Variants in LASP1 observed in about 807,000 individuals in gnomAD.
LASP1 encodes LIM and SH3 protein 1.
Under a neutral mutation model 38.6 loss-of-function variants are expected in LASP1, and 10 were observed. The ratio of observed to expected loss-of-function variants is 0.26; its 90% confidence interval spans 0.16 to 0.44. The LOEUF is 0.44. Ranked by LOEUF, LASP1 falls within the 20% of genes least tolerant of loss-of-function variation. The pLI is 1.00. For missense variants in LASP1, 243 were observed against 375.7 expected, an observed-to-expected ratio of 0.65 and a Z score of 2.92; for synonymous variants, 132 against 140.8, an observed-to-expected ratio of 0.94 and a Z score of 0.44.
intron 6 of LASP1, among the ~76,000 whole-genome samples, chr17:38,917,496 T>C (rs1475303670): frequency 2.0e-5 from 3 of 152,104 alleles, no homozygotes; most frequent in Non-Finnish European, 4.4e-5. Context: ...GATCTAGGGC[T>C]TAAGCGGCAG....
At chr17:38,893,539 C>T (rs1233931104) in intron 3 of LASP1, among the ~76,000 whole-genome samples, 1 of 151,896 alleles carries the variant, frequency 6.6e-6, no homozygotes, top group South Asian at 2.1e-4. Flanking sequence ...TGGGGGTCCT[C>T]GGGGGTTGGG....
intron 4 of LASP1, among the ~76,000 whole-genome samples, chr17:38,900,568 G>A (rs894893871): frequency 1.3e-5 from 2 of 152,074 alleles, no homozygotes; most frequent in African/African-American, 4.8e-5. Context: ...AGCTACTTGG[G>A]AGGCTGAGAC....
intron 2 of LASP1, among the ~76,000 whole-genome samples, chr17:38,879,751 C>CT (rs1000138374): frequency 6.6e-6 from 1 of 152,020 alleles, no homozygotes; most frequent in African/African-American, 2.4e-5. Flanking sequence ...ACTCTTTCAT[C>CT]TTTTTAGGGG....
At chr17:38,917,466 G>A (rs1363327437) in intron 6 of LASP1, among the ~76,000 whole-genome samples, 2 of 151,456 alleles carry the variant, frequency 1.3e-5, no homozygotes, top group Admixed American at 1.3e-4. Flanking sequence ...GTTTTTGTGT[G>A]CCTTACTGAA....
At position 38,918,139 on chromosome 17, in the gene LASP1, CAAA is replaced by C. The variant is rs71352324; in HGVS notation, c.613-451_613-449del. On this transcript the variant is annotated intron_variant, in intron 6 of 6. Coordinates refer to ENST00000318008, the MANE Select transcript of LASP1 (RefSeq NM_006148.4). This position sits in a 1 kb window ranked among gnomAD's most constrained non-coding sequence, Gnocchi z 4.4. Reference sequence around the variant, plus strand: ...TGGGTGACAAAGCAAGACTCCATCTCAAAAAAAAAAAAAAAAAGAGGGAGTTGG... The same window carrying C: ...TGGGTGACAAAGCAAGACTCCATCTCAAAAAAAAAAAAAAGAGGGAGTTGG... Among the ~76,000 whole-genome samples the C allele has an allele frequency of 6.3e-5, 6 of 95,018 alleles. No homozygotes were observed. Among genetic ancestry groups the C allele is most frequent in the Admixed American group, 1.2e-4 (1 of 8,570 alleles). The allele number at this position is 95,018 out of a possible 152,430, so 62.3% of individuals were successfully genotyped here. A position where few individuals can be genotyped will look rare whatever the true frequency, so the allele number is the denominator to read the frequency against.
intron 4 of LASP1, among the ~76,000 whole-genome samples, chr17:38,912,316 C>T (rs764910893): frequency 3.9e-5 from 6 of 152,146 alleles, no homozygotes; most frequent in Admixed American, 6.5e-5. Flanking sequence ...CCGCATGGAG[C>T]GGCTGGAGGA....
intron 3 of LASP1, among the ~76,000 whole-genome samples, chr17:38,897,873 G>T (rs1424452623): frequency 6.6e-6 from 1 of 152,184 alleles, no homozygotes; most frequent in Non-Finnish European, 1.5e-5. Context: ...TTGCTGAAAA[G>T]CTCCCCCAGG....
intron 6 of LASP1, 142 bp downstream of exon 6, chr17:38,915,288 A>T: frequency 1.4e-6 from 1 of 691,256 alleles, no homozygotes; most frequent in Non-Finnish European, 2.4e-6. Flanking sequence ...GTGAGCAGAG[A>T]GGAAATTGGT....
intron 4 of LASP1, among the ~76,000 whole-genome samples, chr17:38,902,729 G>T (rs1914678938): frequency 6.6e-6 from 1 of 151,874 alleles, no homozygotes; most frequent in Non-Finnish European, 1.5e-5. Context: ...TTGAGATAGA[G>T]TCTCGCTCTG....
chr17:38,878,447 T>C (rs1913845707), intron 2 of LASP1, among the ~76,000 whole-genome samples: 1 of 152,162 alleles, frequency 6.6e-6, no homozygotes, highest in Non-Finnish European at 1.5e-5. Flanking sequence ...CAAGGTGGGA[T>C]GGCTAGGGCA....
intron 2 of LASP1, among the ~76,000 whole-genome samples, chr17:38,881,472 A>T (rs985500594): frequency 2.0e-5 from 3 of 152,098 alleles, no homozygotes; most frequent in Non-Finnish European, 1.5e-5. Flanking sequence ...AGGGCTTGTC[A>T]TACTCTTGGC....
intron 4 of LASP1, chr17:38,904,537 G>A (rs1008175518): frequency 6.6e-6 from 1 of 150,808 alleles, no homozygotes; most frequent in Non-Finnish European, 1.5e-5. Flanking sequence ...AGGTTGCAGT[G>A]AGCTGAGACT....
rs1354877668 is a variant in LASP1 at position 38,921,676 on chromosome 17, C to T, written c.*2898C>T. ...CGTGGGCTTGTGCTCGGGATCAAACCTTTCTGGCCTGTTATGATTCTGAAC... is the reference window on the plus strand; with the variant it reads ...CGTGGGCTTGTGCTCGGGATCAAACTTTTCTGGCCTGTTATGATTCTGAAC... On this transcript the variant is annotated 3_prime_UTR_variant, in exon 7 of 7. Transcript: ENST00000318008. The T allele has an allele frequency of 4.3e-6, 1 of 231,346 alleles. No individual in the cohort carries two copies. The highest frequency in any genetic ancestry group is 8.5e-6 in the Non-Finnish European group (1 of 117,002). The allele number at this position is 231,346 out of a possible 1,614,324, so 14.3% of individuals were successfully genotyped here.
At chr17:38,885,380 C>T (rs1914088985) in intron 2 of LASP1, among the ~76,000 whole-genome samples, 1 of 152,204 alleles carries the variant, frequency 6.6e-6, no homozygotes, top group South Asian at 2.1e-4. Flanking sequence ...GTAAATTGTC[C>T]TGAAGCCCGA....
chr17:38,918,945 C>A lies in LASP1; in HGVS notation c.*167C>A. 1.4e-6 allele frequency: 1 copy of A among 736,242 alleles called. No individual in the cohort carries two copies. Among genetic ancestry groups the A allele is most frequent in the Non-Finnish European group, 2.2e-6 (1 of 456,460 alleles). The allele number at this position is 736,242 out of a possible 1,614,324, so 45.6% of individuals were successfully genotyped here. A position where few individuals can be genotyped will look rare whatever the true frequency, so the allele number is the denominator to read the frequency against. On this transcript the variant is annotated 3_prime_UTR_variant, in exon 7 of 7. Transcript: ENST00000318008. The surrounding 1 kb of genome is among the most constrained non-coding windows in gnomAD (Gnocchi z 4.4). ...CAACTGAAGCCTTCTTCTGCCACTT[C>A]TGCGGGCTCCCTCCTCTGGCAGGCT...
At chr17:38,879,980 A>G (rs1350432381) in intron 2 of LASP1, among the ~76,000 whole-genome samples, 3 of 152,042 alleles carry the variant, frequency 2.0e-5, no homozygotes, top group Non-Finnish European at 4.4e-5. Context: ...CTTCTCTTCT[A>G]TTAATTTCTA....
At chr17:38,894,340 G>A (rs1914426793) in intron 3 of LASP1, among the ~76,000 whole-genome samples, 1 of 152,276 alleles carries the variant, frequency 6.6e-6, no homozygotes, top group African/African-American at 2.4e-5. Context: ...TTACAGGGGG[G>A]TTTCTATCCT....
At chr17:38,892,611 C>G (rs945939484) in intron 3 of LASP1, among the ~76,000 whole-genome samples, 3 of 151,640 alleles carry the variant, frequency 2.0e-5, no homozygotes, top group Admixed American at 2.0e-4. Context: ...GGGAGAAATT[C>G]AAACCCCTCA....
At position 38,902,945 on chromosome 17, in the gene LASP1, C is replaced by T. The variant is rs1261522619; in HGVS notation, c.357+4426C>T. Among the ~76,000 whole-genome samples, 3 of 152,156 alleles carry T rather than the reference C, an allele frequency of 2.0e-5. No individual in the cohort carries two copies. The East Asian group carries it at 5.8e-4, about 29-fold the overall frequency. On this transcript the variant is annotated intron_variant, in intron 4 of 6. Coordinates refer to ENST00000318008, the MANE Select transcript of LASP1 (RefSeq NM_006148.4). The stretch of plus-strand genomic sequence containing the variant: ...CTCGAACTCCTGACCTCAGGTGATC[C>T]ACCTGCCTTGGCCTCCCAAGGTGCT...
Sources: gnomAD v4.1 joint callset for allele counts (sites outside exome capture counted in the v4.1 genomes callset) on GRCh38, gnomAD v4.1.1 for gene constraint, Gnocchi (gnomAD v3.1) non-coding constraint, MANE v1.5 for transcripts, NCBI Gene and HGNC (gene_info 2026-07-23, HGNC 2026-07-21) for gene names.